MYO16: variants seen among roughly 807,000 people sequenced by gnomAD.
MYO16 encodes the protein unconventional myosin-XVI.
MYO16 carries 94 observed loss-of-function variants against 205.3 expected under a neutral mutation model. That is an observed-to-expected ratio of 0.46 (90% CI 0.39 to 0.54). The LOEUF is 0.54. Ranked by LOEUF, MYO16 falls within the 20% of genes least tolerant of loss-of-function variation. The probability of loss-of-function intolerance (pLI) is 0.00; values close to 1 mark genes in which losing one functional copy is unlikely to be tolerated. For missense variants in MYO16, 2,315 were observed against 2,387.5 expected, an observed-to-expected ratio of 0.97 and a Z score of 0.63; for synonymous variants, 988 against 954.0, an observed-to-expected ratio of 1.04 and a Z score of -0.66.
chr13:108,619,629 T>A (rs1879469288), intron 1 of MYO16, among the ~76,000 whole-genome samples: 1 of 152,084 alleles, frequency 6.6e-6, no homozygotes, highest in East Asian at 1.9e-4. Flanking sequence ...CAGCGATACA[T>A]CAGTGCAGCT....
the MYO16 span, among the ~76,000 whole-genome samples, chr13:108,571,233 A>G: frequency 6.6e-6 from 1 of 152,016 alleles, no homozygotes; most frequent in East Asian, 1.9e-4. Flanking sequence ...GGTTAAGGAT[A>G]AGAGGATACA....
chr13:109,137,152 C>T (rs1350972587), intron 31 of MYO16, among the ~76,000 whole-genome samples: 3 of 152,182 alleles, frequency 2.0e-5, no homozygotes, highest in African/African-American at 7.2e-5. Flanking sequence ...AGCCTCTCTA[C>T]AGTGCCCACA....
chr13:108,611,448 A>G (rs941902765), intron 1 of MYO16, among the ~76,000 whole-genome samples: 15 of 152,182 alleles, frequency 9.9e-5, no homozygotes, highest in African/African-American at 3.6e-4. Context: ...AATCAGAACA[A>G]CTTTTATGTT....
At chr13:108,727,141 A>T (rs2139583388) in intron 3 of MYO16, among the ~76,000 whole-genome samples, 1 of 151,892 alleles carries the variant, frequency 6.6e-6, no homozygotes, top group Non-Finnish European at 1.5e-5. Context: ...AGTTTTTTTT[A>T]AATAATCCTA....
chr13:108,563,220 T>A, the MYO16 span, among the ~76,000 whole-genome samples: 1 of 152,214 alleles, frequency 6.6e-6, no homozygotes, highest in African/African-American at 2.4e-5. Context: ...TGTGGGTACA[T>A]AGTAGGTGTG....
intron 27 of MYO16, among the ~76,000 whole-genome samples, chr13:109,091,514 C>A (rs562158377): frequency 6.6e-6 from 1 of 152,134 alleles, no homozygotes; most frequent in African/African-American, 2.4e-5. Flanking sequence ...TAGTGTCTCC[C>A]GTGTCTGACG....
chr13:108,960,445 T>C (rs528596420), intron 17 of MYO16, among the ~76,000 whole-genome samples: 15 of 152,316 alleles, frequency 9.8e-5, no homozygotes, highest in African/African-American at 3.1e-4. Flanking sequence ...TAAAATATTA[T>C]TATACCTGAA....
At chr13:109,067,781 C>T (rs565109832) in intron 27 of MYO16, among the ~76,000 whole-genome samples, 6 of 152,172 alleles carry the variant, frequency 3.9e-5, no homozygotes, top group Non-Finnish European at 5.9e-5. Flanking sequence ...CAGACTCGTT[C>T]GTGGCGTAAG....
the MYO16 span, among the ~76,000 whole-genome samples, chr13:108,588,039 TTTTTATTAATGGTA>T: frequency 6.6e-6 from 1 of 151,836 alleles, no homozygotes; most frequent in Non-Finnish European, 1.5e-5. Context: ...AGGAAATATG[TTTTTATTAATGGTA>T]TTTTATTAAT....
At chr13:109,126,330 A>G (rs1015879883) in intron 30 of MYO16, among the ~76,000 whole-genome samples, 3 of 152,218 alleles carry the variant, frequency 2.0e-5, no homozygotes, top group African/African-American at 7.2e-5. Context: ...TTCATTTTCT[A>G]CATGGGCGGC....
At chr13:109,120,944 G>A (rs866595509) in intron 29 of MYO16, among the ~76,000 whole-genome samples, 20 of 152,112 alleles carry the variant, frequency 1.3e-4, no homozygotes, top group African/African-American at 4.8e-4. Context: ...CAGCTACTCA[G>A]GAGACTGAAG....
At chr13:108,542,575 A>T in the MYO16 span, among the ~76,000 whole-genome samples, 1 of 152,198 alleles carries the variant, frequency 6.6e-6, no homozygotes, top group Non-Finnish European at 1.5e-5. Flanking sequence ...TGAGTTAAAC[A>T]TGCAAATTTA....
intron 4 of MYO16, among the ~76,000 whole-genome samples, chr13:108,756,080 A>G (rs1227496173): frequency 6.6e-6 from 1 of 152,166 alleles, no homozygotes; most frequent in Non-Finnish European, 1.5e-5. Context: ...TTTTCTGCTC[A>G]GTATAAGGTG....
chr13:108,997,866 C>T (rs77613389), intron 21 of MYO16, among the ~76,000 whole-genome samples: 6,613 of 152,182 alleles, frequency 0.043, 193 homozygotes, highest in Admixed American at 0.067. Flanking sequence ...AATTGTGATA[C>T]GTAATTTATC....
chr13:109,048,380 C>A (rs750289580), intron 24 of MYO16: 25 of 749,302 alleles, frequency 3.3e-5, no homozygotes, highest in Non-Finnish European at 5.4e-5. Flanking sequence ...TTACAATGTA[C>A]CCTTTTGTAT....
At chr13:109,016,851 T>C (rs1456855584) in intron 22 of MYO16, among the ~76,000 whole-genome samples, 1 of 152,188 alleles carries the variant, frequency 6.6e-6, no homozygotes, top group Non-Finnish European at 1.5e-5. Context: ...TTTGAGCCTA[T>C]ATATGTCTCT....
At chr13:109,081,493 C>T (rs75504211) in intron 27 of MYO16, among the ~76,000 whole-genome samples, 2,642 of 152,178 alleles carry the variant, frequency 0.017, 69 homozygotes, top group African/African-American at 0.06. Context: ...AGACACCCCG[C>T]ACTGTGGTGG....
chr13:108,589,591 A>G, the MYO16 span, among the ~76,000 whole-genome samples: 2 of 152,162 alleles, frequency 1.3e-5, no homozygotes, highest in Non-Finnish European at 2.9e-5. Flanking sequence ...ATGACATCTG[A>G]TGCCCCAATA....
rs147670588 is a variant in MYO16 at position 108,819,798 on chromosome 13, C to A, written c.868-539C>A. On this transcript the variant is annotated intron_variant, in intron 7 of 34. Transcript: ENST00000457511. ...ATGTTGCTGTCATAGAGCAACAATG[C>A]CAACAAGTTAGACTTCGATGAATTG... is the stretch of plus-strand genomic sequence containing the variant. Among the ~76,000 whole-genome samples the A allele has an allele frequency of 5.3e-3, 802 of 152,208 alleles. 8 individuals carry two copies. The highest frequency in any genetic ancestry group is 0.03 in the South Asian group (146 of 4,822).
Sources: gnomAD v4.1 joint callset for allele counts (sites outside exome capture counted in the v4.1 genomes callset) on GRCh38, gnomAD v4.1.1 for gene constraint, MANE v1.5 for transcripts, NCBI Gene and HGNC (gene_info 2026-07-23, HGNC 2026-07-21) for gene names.